DISP3: variants seen among roughly 807,000 people sequenced by gnomAD.
DISP3 encodes the protein protein dispatched homolog 3.
DISP3 carries 101 observed loss-of-function variants against 135.3 expected under a neutral mutation model. The ratio of observed to expected loss-of-function variants is 0.75; its 90% CI spans 0.64 to 0.88. DISP3 has a LOEUF of 0.88. Among genes scored for constraint, DISP3 ranks in the 40% least tolerant of loss-of-function variants. The pLI is 0.00. For synonymous variants in DISP3, 856 were observed against 817.0 expected (o/e 1.05, Z -0.81); for missense variants, 1,713 against 1,878.6 (o/e 0.91, Z 1.63).
Position 11,517,495 on chromosome 1 carries a change from GTC to G in DISP3, c.1787_1788del (p.Leu596HisfsTer72). 1 of 1,614,192 alleles carries G rather than the reference GTC, an allele frequency of 6.2e-7. No individual in the cohort carries two copies. The highest frequency in any genetic ancestry group is 8.5e-7 in the Non-Finnish European group (1 of 1,180,036). ...CCGTCCACGACTTTGGCCTGTTCAT[GTC>G]TCTCATCGTGTCCTGTTGCTGGCTG... Reference protein sequence around the residue: ...PAVHDFGLFMSLIVSCCWLAV... With the variant: ...PAVHDFGLFMXLIVSCCWLAV... On this transcript the variant is annotated frameshift_variant, in exon 7 of 21. Transcript: ENST00000294484. LOFTEE classifies it high-confidence loss of function.
In DISP3 at chr1:11,485,624, G is replaced by T. The variant is rs565542405; in HGVS notation, c.-4+6252G>T. Among the ~76,000 whole-genome samples, 92 of 152,302 alleles carry T rather than the reference G, an allele frequency of 6.0e-4. No homozygotes were observed. The South Asian group carries it at 0.019, about 32-fold the overall frequency. The stretch of plus-strand genomic sequence containing the variant: ...CATTGACCTTTGCACTGTCCTGGGA[G>T]ATCTCTCTGTTCTTCGTTGGGGAGC... On this transcript the variant is annotated intron_variant, in intron 1 of 20. Transcript: ENST00000294484.
intron 3 of DISP3, among the ~76,000 whole-genome samples, chr1:11,509,991 G>A (rs1022306539): frequency 2.6e-5 from 4 of 152,168 alleles, no homozygotes. Flanking sequence ...CCAAGCTATT[G>A]GGGAGGCTGA....
chr1:11,496,403 T>C (rs1415228734), intron 1 of DISP3, among the ~76,000 whole-genome samples: 1 of 152,128 alleles, frequency 6.6e-6, no homozygotes, highest in East Asian at 1.9e-4. Flanking sequence ...AGAAAGGGCA[T>C]TGGTCACTGA....
rs1056840261 is a variant in DISP3, at chr1:11,520,983, C to T, written c.2362+135C>T. 1.8e-6 allele frequency: 2 copies of T among 1,112,700 alleles called. No individual in the cohort carries two copies. Among genetic ancestry groups the T allele is most frequent in the African/African-American group, 1.6e-5 (1 of 63,314 alleles). The allele number at this position is 1,112,700 out of a possible 1,614,324, so 68.9% of individuals were successfully genotyped here. ...CAAATCCCACTCCCCTCTGAGCCCC[C>T]ATGTTCCCACAGTTCATTCAACAGA... is the stretch of plus-strand genomic sequence containing the variant. On this transcript the variant is annotated intron_variant, in intron 10 of 20. Transcript: ENST00000294484. This position sits in a 1 kb window ranked among gnomAD's most constrained non-coding sequence, Gnocchi z 4.8.
Position 11,520,771 on chromosome 1 carries a change from C to T in DISP3, c.2285C>T (p.Pro762Leu). The T allele has an allele frequency of 6.2e-7, 1 of 1,613,602 alleles. No individual in the cohort carries two copies. Among genetic ancestry groups the T allele is most frequent in the Non-Finnish European group, 8.5e-7 (1 of 1,179,998 alleles). Residue 762 changes from proline to leucine, a missense_variant, in exon 10 of 21, where the codon CCT becomes CTT. Coordinates refer to ENST00000294484, the MANE Select transcript of DISP3 (RefSeq NM_020780.2). The surrounding 1 kb of genome is among the most constrained non-coding windows in gnomAD (Gnocchi z 4.8). Reference sequence around the variant, plus strand: ...AGCCGGGCCCCGCTACTCTTCCGGCCTGATACCAACATCCAGGTGCTGCTG... The same window carrying T: ...AGCCGGGCCCCGCTACTCTTCCGGCTTGATACCAACATCCAGGTGCTGCTG... Reference protein sequence around the residue: ...PASRAPLLFRPDTNIQVLLDL... With the variant: ...PASRAPLLFRLDTNIQVLLDL...
Position 11,526,788 on chromosome 1 carries a change from G to A in DISP3, c.2751G>A (p.Lys917=). ...CCTGTGATGCCAAGCGGGGCTGGAAGTTTGACTTCAGCTTCTACGTGGCCA... is the reference window on the plus strand; with the variant it reads ...CCTGTGATGCCAAGCGGGGCTGGAAATTTGACTTCAGCTTCTACGTGGCCA... ...TLACDAKRGW[K]FDFSFYVATK... Residue 917 remains lysine, a synonymous_variant, in exon 13 of 21, where the codon AAG becomes AAA. Coordinates refer to ENST00000294484, the MANE Select transcript of DISP3 (RefSeq NM_020780.2). The A allele has an allele frequency of 6.2e-7, 1 of 1,612,542 alleles. No individual in the cohort carries two copies. Among genetic ancestry groups the A allele is most frequent in the Non-Finnish European group, 8.5e-7 (1 of 1,180,028 alleles).
chr1:11,494,133 G>A (rs751577290), intron 1 of DISP3, among the ~76,000 whole-genome samples: 3 of 152,218 alleles, frequency 2.0e-5, no homozygotes, highest in Non-Finnish European at 2.9e-5. Context: ...CTTAGTAGCT[G>A]TGTGACCACC....
intron 11 of DISP3, among the ~76,000 whole-genome samples, chr1:11,524,642 C>T: frequency 7.1e-6 from 1 of 141,608 alleles, no homozygotes; most frequent in African/African-American, 2.7e-5. Flanking sequence ...CCCCACCATC[C>T]CTCCTACCCC....
Position 11,529,228 on chromosome 1 carries a change from C to G in DISP3, c.2799-328C>G, listed in dbSNP as rs956993597. Among the ~76,000 whole-genome samples the G allele has an allele frequency of 6.6e-6, 1 of 152,216 alleles. No individual in the cohort carries two copies. The stretch of plus-strand genomic sequence containing the variant: ...TGGCCCTGGGGGTCCCTCCTGAACC[C>G]TCGTACCCCCGGGGGACAGTTTGAA... On this transcript the variant is annotated intron_variant, in intron 13 of 20. Coordinates refer to ENST00000294484, the MANE Select transcript of DISP3 (RefSeq NM_020780.2). The surrounding 1 kb of genome is among the most constrained non-coding windows in gnomAD (Gnocchi z 4.7).
At chr1:11,515,758 C>T (rs1225739460) in intron 5 of DISP3, among the ~76,000 whole-genome samples, 3 of 151,146 alleles carry the variant, frequency 2.0e-5, no homozygotes, top group Non-Finnish European at 4.4e-5. Context: ...GGAAGGAGGT[C>T]AGGATGTGGG....
In DISP3 at chr1:11,531,841, G is replaced by A; in HGVS notation, c.3375+131G>A. On this transcript the variant is annotated intron_variant, in intron 17 of 20. Coordinates refer to ENST00000294484, the MANE Select transcript of DISP3 (RefSeq NM_020780.2). This position sits in a 1 kb window ranked among gnomAD's most constrained non-coding sequence, Gnocchi z 5.2. ...AGAGAGGTGGAGTGACTTGCCTGAGGTCACATAGTTAGTGGGTGTCAGTGT... is the reference window on the plus strand; with the variant it reads ...AGAGAGGTGGAGTGACTTGCCTGAGATCACATAGTTAGTGGGTGTCAGTGT... 7.6e-7 allele frequency: 1 copy of A among 1,308,302 alleles called. No homozygotes were observed. The highest frequency in any genetic ancestry group is 2.9e-5 in the Admixed American group (1 of 34,786). 81.0% of individuals were successfully genotyped at this position (1,308,302 alleles called of 1,614,324 possible). A position where few individuals can be genotyped will look rare whatever the true frequency, so the allele number is the denominator to read the frequency against.
Position 11,519,625 on chromosome 1 carries a change from T to C in DISP3, c.2039-94T>C, listed in dbSNP as rs1406711735. 2 of 1,569,464 alleles carry C rather than the reference T, an allele frequency of 1.3e-6. No individual in the cohort carries two copies. The highest frequency in any genetic ancestry group is 1.7e-6 in the Non-Finnish European group (2 of 1,156,606). On this transcript the variant is annotated intron_variant, in intron 8 of 20. Coordinates refer to ENST00000294484, the MANE Select transcript of DISP3 (RefSeq NM_020780.2). The surrounding 1 kb of genome is among the most constrained non-coding windows in gnomAD (Gnocchi z 4.3). Reference sequence around the variant, plus strand: ...GGGCCGGACAAGATGGCCTGTGGGCTTCCTCACCAGGCATCTGGGCTTCCC... The same window carrying C: ...GGGCCGGACAAGATGGCCTGTGGGCCTCCTCACCAGGCATCTGGGCTTCCC...
In DISP3 at chr1:11,536,740, A is replaced by G. The variant is rs1200790517; in HGVS notation, c.*54A>G. Reference sequence around the variant, plus strand: ...TTTGGTCCCATGGGTGGGGGACAGGAGCTGCTTCCCAGCTCGACTTCAGCT... The same window carrying G: ...TTTGGTCCCATGGGTGGGGGACAGGGGCTGCTTCCCAGCTCGACTTCAGCT... On this transcript the variant is annotated 3_prime_UTR_variant, in exon 21 of 21. Transcript: ENST00000294484. This position sits in a 1 kb window ranked among gnomAD's most constrained non-coding sequence, Gnocchi z 4.3. 7 of 1,461,626 alleles carry G rather than the reference A, an allele frequency of 4.8e-6. No individual in the cohort carries two copies. Among genetic ancestry groups the G allele is most frequent in the Non-Finnish European group, 6.3e-6 (7 of 1,110,674 alleles). 90.5% of individuals were successfully genotyped at this position (1,461,626 alleles called of 1,614,324 possible). A position where few individuals can be genotyped will look rare whatever the true frequency, so the allele number is the denominator to read the frequency against.
At chr1:11,512,346 C>T (rs1641879440) in intron 3 of DISP3, among the ~76,000 whole-genome samples, 1 of 152,114 alleles carries the variant, frequency 6.6e-6, no homozygotes, top group South Asian at 2.1e-4. Flanking sequence ...TTTAACAGCA[C>T]CCAAGTCACC....
In DISP3 at chr1:11,528,487, G is replaced by T. The variant is rs115125963; in HGVS notation, c.2799-1069G>T. On this transcript the variant is annotated intron_variant, in intron 13 of 20. Coordinates refer to ENST00000294484, the MANE Select transcript of DISP3 (RefSeq NM_020780.2). ...GTGCTGGCACTGTGCTAGGGATATG[G>T]TAGTGACAAAGACAGATGTGACTCC... Among the ~76,000 whole-genome samples the T allele has an allele frequency of 2.8e-3, 422 of 152,342 alleles. 2 individuals carry two copies. The highest frequency in any genetic ancestry group is 5.1e-3 in the Non-Finnish European group (347 of 68,030).
intron 3 of DISP3, among the ~76,000 whole-genome samples, chr1:11,508,419 T>TAA (rs57303946): frequency 6.9e-6 from 1 of 145,778 alleles, no homozygotes; most frequent in Non-Finnish European, 1.5e-5. Flanking sequence ...CCCTGTCTCT[T>TAA]AAAAAAAAAA....
Position 11,491,874 on chromosome 1 carries a change from G to A in DISP3, c.-3-9116G>A, listed in dbSNP as rs1641193371. ...GCGGTGGCTCACGCCTGTAATCCCA[G>A]CACTTTGGGAGGCCGAGGCGGGCGG... On this transcript the variant is annotated intron_variant, in intron 1 of 20. Transcript: ENST00000294484. This position sits in a 1 kb window ranked among gnomAD's most constrained non-coding sequence, Gnocchi z 4.3. Among the ~76,000 whole-genome samples, 2 of 151,990 alleles carry A rather than the reference G, an allele frequency of 1.3e-5. No individual in the cohort carries two copies. Among genetic ancestry groups the A allele is most frequent in the African/African-American group, 2.4e-5 (1 of 41,362 alleles).
intron 3 of DISP3, among the ~76,000 whole-genome samples, chr1:11,503,847 A>G (rs574374455): frequency 9.2e-5 from 14 of 152,222 alleles, no homozygotes; most frequent in African/African-American, 3.4e-4. Flanking sequence ...TATCGTTAAA[A>G]TGGAGAACAC....
chr1:11,498,419 CTGCATGGGCTA>C (rs1425368327), intron 1 of DISP3, among the ~76,000 whole-genome samples: 33 of 152,288 alleles, frequency 2.2e-4, no homozygotes, highest in Non-Finnish European at 3.2e-4. Context: ...AGTGATCTCT[CTGCATGGGCTA>C]GTTTGGACAT....
Sources: gnomAD v4.1 joint callset for allele counts (sites outside exome capture counted in the v4.1 genomes callset) on GRCh38, gnomAD v4.1.1 for gene constraint, Gnocchi (gnomAD v3.1) non-coding constraint, MANE v1.5 for transcripts, NCBI Gene and HGNC (gene_info 2026-07-23, HGNC 2026-07-21) for gene names.